The following PLXDC2 variants were observed in gnomAD, a reference collection of about 807,000 sequenced individuals.
PLXDC2 encodes the protein plexin domain containing 2.
In PLXDC2, 40 loss-of-function variants were observed where a neutral mutation model predicts 68.9. The observed-to-expected ratio is 0.58, with a 90% CI of 0.45 to 0.76. The LOEUF (loss-of-function observed/expected upper bound fraction) is 0.76, where lower values mean the gene tolerates loss of function less well. PLXDC2 is among the 30% of genes least tolerant of loss of function. The pLI is 0.00. For synonymous variants in PLXDC2, 243 were observed against 234.2 expected, an observed-to-expected ratio of 1.04 and a Z score of -0.34; for missense variants, 644 against 661.9, an observed-to-expected ratio of 0.97 and a Z score of 0.30.
At chr10:19,949,123 C>CAAAAAAAAAAAAAAA (rs60138814) in intron 1 of PLXDC2, among the ~76,000 whole-genome samples, 1 of 82,920 alleles carries the variant, frequency 1.2e-5, no homozygotes, top group Non-Finnish European at 2.1e-5. Flanking sequence ...GAGACTTTGT[C>CAAAAAAAAAAAAAAA]AAAAAAAAAA....
chr10:20,179,299 G>T (rs1054588623), intron 9 of PLXDC2, among the ~76,000 whole-genome samples: 1 of 152,036 alleles, frequency 6.6e-6, no homozygotes, highest in Non-Finnish European at 1.5e-5. Context: ...CGTCTTCTTT[G>T]CTAGGCTCTA....
intron 13 of PLXDC2, among the ~76,000 whole-genome samples, chr10:20,245,773 A>G (rs903521832): frequency 1.3e-5 from 2 of 152,212 alleles, no homozygotes; most frequent in African/African-American, 4.8e-5. Context: ...AATGGGAACC[A>G]TAGTTTTTGG....
chr10:19,958,918 C>A (rs1437702127), intron 1 of PLXDC2, among the ~76,000 whole-genome samples: 2 of 152,120 alleles, frequency 1.3e-5, no homozygotes, highest in African/African-American at 4.8e-5. Context: ...TGTCTAGGCA[C>A]ATTATTTTGT....
chr10:20,069,420 G>T (rs146549339), intron 4 of PLXDC2, among the ~76,000 whole-genome samples: 33 of 152,284 alleles, frequency 2.2e-4, no homozygotes, highest in African/African-American at 7.5e-4. Context: ...TACTTTGGAA[G>T]CTCAGGTGGG....
At chr10:19,948,353 G>C (rs901717563) in intron 1 of PLXDC2, among the ~76,000 whole-genome samples, 2 of 150,754 alleles carry the variant, frequency 1.3e-5, no homozygotes, top group Admixed American at 1.3e-4. Context: ...CAAGCAAGTA[G>C]AGAATGGTTT....
At chr10:19,943,163 G>A (rs536351990) in intron 1 of PLXDC2, among the ~76,000 whole-genome samples, 2 of 152,264 alleles carry the variant, frequency 1.3e-5, no homozygotes, top group South Asian at 4.1e-4. Flanking sequence ...GAGGATTCTG[G>A]AGCTGAAGTA....
intron 4 of PLXDC2, among the ~76,000 whole-genome samples, chr10:20,108,894 T>C (rs1413966031): frequency 6.6e-6 from 1 of 152,188 alleles, no homozygotes; most frequent in African/African-American, 2.4e-5. Context: ...TGTCTTTAAA[T>C]GTTTTGTGAT....
chr10:19,847,755 G>T (rs989466248), intron 1 of PLXDC2, among the ~76,000 whole-genome samples: 9 of 152,030 alleles, frequency 5.9e-5, no homozygotes, highest in African/African-American at 4.8e-5. Flanking sequence ...GGCAATTTAC[G>T]TGCATGATTA....
In PLXDC2 at chr10:20,233,661, G is replaced by A. The variant is rs376132380; in HGVS notation, c.1313-11684G>A. On this transcript the variant is annotated intron_variant, in intron 12 of 13. Coordinates refer to ENST00000377252, the MANE Select transcript of PLXDC2 (RefSeq NM_032812.9). ...ACCAAGGGCTCTGATTTCCAGGCAT[G>A]CTGTGTGCTCTTTATCACCCTGCTG... is the stretch of plus-strand genomic sequence containing the variant. 5.9e-5 allele frequency among the ~76,000 whole-genome samples: 9 copies of A among 152,276 alleles called. No homozygotes were observed. In the South Asian group the frequency reaches 8.3e-4, roughly 14 times the overall value.
At chr10:20,042,407 T>G (rs1290627782) in intron 2 of PLXDC2, among the ~76,000 whole-genome samples, 1 of 152,204 alleles carries the variant, frequency 6.6e-6, no homozygotes, top group Non-Finnish European at 1.5e-5. Flanking sequence ...AATATATTTG[T>G]TAAGACTTGG....
intron 13 of PLXDC2, among the ~76,000 whole-genome samples, chr10:20,260,306 G>T (rs912587671): frequency 6.6e-6 from 1 of 152,024 alleles, no homozygotes; most frequent in Admixed American, 6.5e-5. Context: ...CTTATTTGTC[G>T]TACATAACTG....
intron 1 of PLXDC2, among the ~76,000 whole-genome samples, chr10:19,984,526 G>A (rs1236363973): frequency 6.6e-6 from 1 of 152,232 alleles, no homozygotes; most frequent in African/African-American, 2.4e-5. Context: ...AATTACATGT[G>A]TAGGGTAGAA....
At chr10:19,848,806 A>C (rs538081035) in intron 1 of PLXDC2, among the ~76,000 whole-genome samples, 1 of 151,976 alleles carries the variant, frequency 6.6e-6, no homozygotes, top group African/African-American at 2.4e-5. Context: ...TTTGCCTGTA[A>C]GGGTTTTGGA....
chr10:19,875,658 G>A (rs1837617862), intron 1 of PLXDC2, among the ~76,000 whole-genome samples: 1 of 152,170 alleles, frequency 6.6e-6, no homozygotes, highest in Non-Finnish European at 1.5e-5. Flanking sequence ...AACATAAATA[G>A]GATTTAGAGT....
At chr10:20,271,175 A>G (rs2119381321) in intron 13 of PLXDC2, among the ~76,000 whole-genome samples, 1 of 152,054 alleles carries the variant, frequency 6.6e-6, no homozygotes, top group African/African-American at 2.4e-5. Flanking sequence ...AAACAGAGCA[A>G]GATGCAAGAA....
At chr10:20,162,571 AC>A (rs1834319535) in intron 6 of PLXDC2, among the ~76,000 whole-genome samples, 1 of 152,134 alleles carries the variant, frequency 6.6e-6, no homozygotes, top group African/African-American at 2.4e-5. Flanking sequence ...TTATTAGGAT[AC>A]AAAAATATAA....
chr10:20,211,596 T>C, intron 9 of PLXDC2, 73 bp from the exon 10 acceptor site: 1 of 1,379,144 alleles, frequency 7.3e-7, no homozygotes, highest in Non-Finnish European at 1.0e-6. Flanking sequence ...ACTAATCTTT[T>C]ACTTTTAATT....
At chr10:19,975,118 T>C (rs1834427760) in intron 1 of PLXDC2, among the ~76,000 whole-genome samples, 1 of 152,182 alleles carries the variant, frequency 6.6e-6, no homozygotes, top group Non-Finnish European at 1.5e-5. Flanking sequence ...AATATGGTAA[T>C]AGTGCTAGCT....
chr10:19,938,052 G>T (rs536545730), intron 1 of PLXDC2, among the ~76,000 whole-genome samples: 4 of 152,190 alleles, frequency 2.6e-5, no homozygotes, highest in Non-Finnish European at 5.9e-5. Context: ...ACCTCTATTT[G>T]CTTGGTGGCA....
Sources: gnomAD v4.1 joint callset for allele counts (sites outside exome capture counted in the v4.1 genomes callset) on GRCh38, gnomAD v4.1.1 for gene constraint, MANE v1.5 for transcripts, NCBI Gene and HGNC (gene_info 2026-07-23, HGNC 2026-07-21) for gene names.